FAM53A: variants seen among roughly 807,000 people sequenced by gnomAD.
FAM53A encodes family with sequence similarity 53 member A.
FAM53A carries 28 observed loss-of-function variants against 26.6 expected under a neutral mutation model. That is an observed-to-expected ratio of 1.05 (90% confidence interval 0.78 to 1.45). The LOEUF (loss-of-function observed/expected upper bound fraction) is 1.45, where lower values mean the gene tolerates loss of function less well. Among genes scored for constraint, FAM53A ranks in the 40% most tolerant of loss-of-function variants. The probability of loss-of-function intolerance (pLI) is 0.00; values close to 1 mark genes in which losing one functional copy is unlikely to be tolerated. For missense variants in FAM53A, 650 were observed against 575.8 expected (o/e 1.13, Z -1.32); for synonymous variants, 290 against 253.1 (o/e 1.15, Z -1.38).
At chr4:1,638,231 C>T (rs1472980553), downstream of FAM53A, among the ~76,000 whole-genome samples, 2 of 152,044 alleles carry the variant, frequency 1.3e-5, no homozygotes, top group Admixed American at 6.5e-5. Context: ...CGCAGACACG[C>T]CCAAGGGAAA....
the FAM53A span, among the ~76,000 whole-genome samples, chr4:1,598,573 A>G: frequency 6.6e-6 from 1 of 152,226 alleles, no homozygotes; most frequent in African/African-American, 2.4e-5. Flanking sequence ...TTAAGCGTGA[A>G]GAATTGCTGT....
In FAM53A at chr4:1,655,444, G is replaced by A. The variant is rs1243882096; in HGVS notation, c.416C>T (p.Pro139Leu). ...ELVRCRSPWR[P>L]GSSKVWTPVS... ...TGGAGTCCAGACCTTGGAGCTGCCGGGGCGCCAGGGGGACCGGCAGCGCAC... is the reference window on the plus strand; with the variant it reads ...TGGAGTCCAGACCTTGGAGCTGCCGAGGCGCCAGGGGGACCGGCAGCGCAC... The change falls in exon 4 of 5, where the codon CCC becomes CTC. Residue 139 changes from proline to leucine, a missense_variant. Transcript: ENST00000308132. 2.0e-6 allele frequency: 3 copies of A among 1,525,726 alleles called. No individual in the cohort carries two copies. Among genetic ancestry groups the A allele is most frequent in the Non-Finnish European group, 2.6e-6 (3 of 1,136,602 alleles). 94.5% of individuals were successfully genotyped at this position (1,525,726 alleles called of 1,614,324 possible).
At chr4:1,606,310 G>A in the FAM53A span, among the ~76,000 whole-genome samples, 1 of 151,948 alleles carries the variant, frequency 6.6e-6, no homozygotes, top group Admixed American at 6.5e-5. Context: ...CTCCCAAAGT[G>A]CTGGGATTAC....
intron 1 of FAM53A, among the ~76,000 whole-genome samples, chr4:1,682,796 A>G (rs1487869520): frequency 6.6e-6 from 1 of 152,180 alleles, no homozygotes; most frequent in African/African-American, 2.4e-5. Flanking sequence ...CTAAAAAAAA[A>G]AAGAAAAAAT....
the FAM53A span, among the ~76,000 whole-genome samples, chr4:1,579,631 TG>T: frequency 2.0e-5 from 3 of 152,186 alleles, no homozygotes; most frequent in Non-Finnish European, 2.9e-5. Flanking sequence ...GGGGTGGGGC[TG>T]CCTCCCAGCG....
chr4:1,646,479 A>C (rs1190114256), intron 4 of FAM53A, among the ~76,000 whole-genome samples: 1 of 152,186 alleles, frequency 6.6e-6, no homozygotes, highest in African/African-American at 2.4e-5. Context: ...AAAACAAACT[A>C]AGTCAGTCCT....
chr4:1,623,713 C>T (rs929602773), intron 1 of FAM53A, among the ~76,000 whole-genome samples: 4 of 152,244 alleles, frequency 2.6e-5, no homozygotes, highest in Admixed American at 2.0e-4. Context: ...ACTCAGCCTG[C>T]GGAGGAGTGC....
At chr4:1,660,056 G>A (rs902799070) in intron 2 of FAM53A, among the ~76,000 whole-genome samples, 1 of 152,188 alleles carries the variant, frequency 6.6e-6, no homozygotes, top group Non-Finnish European at 1.5e-5. Context: ...AGCACGGCGG[G>A]AGGATCGCTT....
chr4:1,644,180 G>A (rs1006970044), intron 4 of FAM53A: 77 of 1,535,254 alleles, frequency 5.0e-5, no homozygotes, highest in Non-Finnish European at 6.5e-5. Flanking sequence ...TGGCGGGGAC[G>A]CTACGCACCT....
chr4:1,592,302 C>T, the FAM53A span, among the ~76,000 whole-genome samples: 2 of 152,220 alleles, frequency 1.3e-5, no homozygotes, highest in African/African-American at 4.8e-5. Flanking sequence ...GCCACGTCCA[C>T]ACGCGGCCCC....
chr4:1,598,334 G>A, the FAM53A span, among the ~76,000 whole-genome samples: 1 of 152,256 alleles, frequency 6.6e-6, no homozygotes, highest in Non-Finnish European at 1.5e-5. Flanking sequence ...AACTCCAAAC[G>A]CTGCGCCTTC....
intron 4 of FAM53A, among the ~76,000 whole-genome samples, chr4:1,649,990 T>C (rs1712616815): frequency 1.2e-5 from 1 of 80,700 alleles, no homozygotes; most frequent in Non-Finnish European, 2.4e-5. Context: ...AGGCGTGGCG[T>C]TTGACTGTGA....
chr4:1,652,012 TCACACACACACCACACACGCCA>T (rs1295563374), intron 4 of FAM53A, among the ~76,000 whole-genome samples: 5 of 95,646 alleles, frequency 5.2e-5, no homozygotes, highest in Middle Eastern at 5.4e-3. Context: ...ACCACACACG[TCACACACACACCACACACGCCA>T]CACACACACC....
chr4:1,609,584 C>T, the FAM53A span, among the ~76,000 whole-genome samples: 1 of 152,100 alleles, frequency 6.6e-6, no homozygotes, highest in South Asian at 2.1e-4. Context: ...TCACCCTCTC[C>T]CCTGCTGCCC....
downstream of FAM53A, among the ~76,000 whole-genome samples, chr4:1,616,288 C>T (rs892235789): frequency 3.9e-5 from 6 of 152,206 alleles, no homozygotes; most frequent in Non-Finnish European, 7.3e-5. Flanking sequence ...AGCCCAGGAG[C>T]GGCTCACTCA....
At chr4:1,575,567 G>C in the FAM53A span, among the ~76,000 whole-genome samples, 3 of 152,152 alleles carry the variant, frequency 2.0e-5, no homozygotes, top group Non-Finnish European at 4.4e-5. Context: ...GGAAGACAGA[G>C]AGGCAGGACG....
chr4:1,584,083 C>G, the FAM53A span, among the ~76,000 whole-genome samples: 2 of 152,176 alleles, frequency 1.3e-5, no homozygotes, highest in Non-Finnish European at 1.5e-5. Context: ...CTATCAATCC[C>G]TTGTGGGTTT....
chr4:1,682,607 G>A (rs542343875), intron 1 of FAM53A, among the ~76,000 whole-genome samples: 7 of 151,994 alleles, frequency 4.6e-5, no homozygotes, highest in South Asian at 2.1e-4. Flanking sequence ...CCAATGCACC[G>A]GTGAAAAATA....
Position 1,667,000 on chromosome 4 carries a change from C to T in FAM53A, c.75+1667G>A, listed in dbSNP as rs868753845. ...AAAATTAGCCAGGCCTGGTGGCGTGCACCTGTAATCCTAGCTACTCAGGAG... is the reference window on the plus strand; with the variant it reads ...AAAATTAGCCAGGCCTGGTGGCGTGTACCTGTAATCCTAGCTACTCAGGAG... On this transcript the variant is annotated intron_variant, in intron 2 of 4. Transcript: ENST00000308132. Among the ~76,000 whole-genome samples, 5 of 152,248 alleles carry T rather than the reference C, an allele frequency of 3.3e-5. No homozygotes were observed. In the Middle Eastern group the frequency reaches 0.01, roughly 311 times the overall value.
Sources: allele counts gnomAD v4.1 joint callset (sites outside exome capture counted in the v4.1 genomes callset), GRCh38; gene constraint gnomAD v4.1.1; transcripts MANE v1.5; gene names NCBI Gene and HGNC (gene_info 2026-07-23, HGNC 2026-07-21).